The following RAB31 variants were observed in gnomAD, a reference collection of about 807,000 sequenced individuals.
RAB31 encodes RAB31, member RAS oncogene family.
A neutral mutation model predicts 25.6 loss-of-function variants in RAB31; 21 were observed. The observed-to-expected ratio is 0.82, with a 90% CI of 0.58 to 1.18. The LOEUF is 1.18. Among genes scored for constraint, RAB31 ranks in the 50% most tolerant of loss-of-function variants. The probability of loss-of-function intolerance (pLI) is 0.00; values close to 1 mark genes in which losing one functional copy is unlikely to be tolerated. For missense variants in RAB31, 196 were observed against 250.1 expected, an observed-to-expected ratio of 0.78 and a Z score of 1.46; for synonymous variants, 87 against 84.0, an observed-to-expected ratio of 1.04 and a Z score of -0.20.
intron 2 of RAB31, among the ~76,000 whole-genome samples, chr18:9,776,304 C>A (rs2068372102): frequency 6.6e-6 from 1 of 152,164 alleles, no homozygotes; most frequent in African/African-American, 2.4e-5. Flanking sequence ...TTATTTTTCA[C>A]CCTGAAGATA....
chr18:9,739,291 G>A (rs1193949630), intron 1 of RAB31, among the ~76,000 whole-genome samples: 8 of 152,238 alleles, frequency 5.3e-5, no homozygotes, highest in Middle Eastern at 3.4e-3. Context: ...TGACTAACAC[G>A]GTGAAACTCC....
At chr18:9,818,586 C>T (rs987749978) in intron 5 of RAB31, among the ~76,000 whole-genome samples, 2 of 152,142 alleles carry the variant, frequency 1.3e-5, no homozygotes, top group Non-Finnish European at 2.9e-5. Flanking sequence ...TATTCATTCA[C>T]ACATTAACAT....
At chr18:9,777,836 C>A (rs1254240290) in intron 2 of RAB31, among the ~76,000 whole-genome samples, 3 of 149,614 alleles carry the variant, frequency 2.0e-5, no homozygotes, top group Non-Finnish European at 3.0e-5. Flanking sequence ...CTCACTGCAA[C>A]CTCCGCCTCC....
chr18:9,801,372 C>T (rs2068513134), intron 3 of RAB31, among the ~76,000 whole-genome samples: 1 of 151,476 alleles, frequency 6.6e-6, no homozygotes, highest in South Asian at 2.1e-4. Flanking sequence ...TCCTCTGCCT[C>T]CTGCTTTCAA....
intron 5 of RAB31, among the ~76,000 whole-genome samples, chr18:9,835,114 G>T (rs1407340030): frequency 6.6e-6 from 1 of 152,158 alleles, no homozygotes; most frequent in Non-Finnish European, 1.5e-5. Flanking sequence ...GACACAGGTG[G>T]GTCAAGGGGT....
At chr18:9,762,622 A>G (rs1355082645) in intron 1 of RAB31, among the ~76,000 whole-genome samples, 1 of 152,180 alleles carries the variant, frequency 6.6e-6, no homozygotes, top group Non-Finnish European at 1.5e-5. Context: ...GCTTAGCTGC[A>G]CAGAGTTTGT....
chr18:9,777,202 G>A (rs1239446816), intron 2 of RAB31, among the ~76,000 whole-genome samples: 1 of 152,102 alleles, frequency 6.6e-6, no homozygotes, highest in Non-Finnish European at 1.5e-5. Context: ...TTAACCAGAT[G>A]TGGTGGCACG....
chr18:9,840,498 G>T (rs185645743), intron 5 of RAB31, among the ~76,000 whole-genome samples: 97 of 152,328 alleles, frequency 6.4e-4, no homozygotes, highest in African/African-American at 2.3e-3. Flanking sequence ...CTGAAGTGCA[G>T]CTGGAGTTCT....
intron 2 of RAB31, among the ~76,000 whole-genome samples, chr18:9,783,074 G>A (rs527509716): frequency 1.3e-5 from 2 of 152,242 alleles, no homozygotes; most frequent in South Asian, 4.1e-4. Context: ...GAGAGATCAG[G>A]AACACAGAGG....
intron 1 of RAB31, among the ~76,000 whole-genome samples, chr18:9,748,615 A>G (rs2068217721): frequency 6.6e-6 from 1 of 151,880 alleles, no homozygotes; most frequent in Admixed American, 6.5e-5. Context: ...TAAGGGGACC[A>G]GATGCGGTGG....
At chr18:9,785,827 G>T (rs1208422453) in intron 2 of RAB31, among the ~76,000 whole-genome samples, 1 of 152,190 alleles carries the variant, frequency 6.6e-6, no homozygotes, top group Non-Finnish European at 1.5e-5. Flanking sequence ...TTGGGAGGCC[G>T]AGGTGGGTGG....
intron 1 of RAB31, among the ~76,000 whole-genome samples, chr18:9,721,614 TAAA>T (rs34653831): frequency 1.9e-4 from 27 of 143,422 alleles, no homozygotes; most frequent in Admixed American, 2.8e-4. Flanking sequence ...AGACTCCATC[TAAA>T]AAAAAAAAAA....
At chr18:9,846,929 T>TTCA (rs761269700) in intron 6 of RAB31, among the ~76,000 whole-genome samples, 18 of 152,320 alleles carry the variant, frequency 1.2e-4, no homozygotes, top group Admixed American at 4.6e-4. Flanking sequence ...CACTGGGGTC[T>TTCA]TCACTCTCTT....
At chr18:9,834,175 G>GT (rs1461426716) in intron 5 of RAB31, among the ~76,000 whole-genome samples, 5 of 152,108 alleles carry the variant, frequency 3.3e-5, no homozygotes, top group Non-Finnish European at 5.9e-5. Flanking sequence ...GAGTACAACG[G>GT]TGTAATCTTG....
intron 2 of RAB31, among the ~76,000 whole-genome samples, chr18:9,791,672 C>G (rs1364103612): frequency 6.6e-6 from 1 of 152,158 alleles, no homozygotes; most frequent in African/African-American, 2.4e-5. Flanking sequence ...TGGCTCACTG[C>G]AACCTCTGCC....
intron 1 of RAB31, among the ~76,000 whole-genome samples, chr18:9,711,182 C>G (rs2068015394): frequency 6.6e-6 from 1 of 152,002 alleles, no homozygotes; most frequent in Non-Finnish European, 1.5e-5. Context: ...CTCTCTCTCT[C>G]TCTCTCCTCT....
intron 1 of RAB31, among the ~76,000 whole-genome samples, chr18:9,745,730 ACACTCTTTCATGATGAAAC>A (rs1352708892): frequency 2.6e-5 from 4 of 152,226 alleles, no homozygotes; most frequent in Non-Finnish European, 5.9e-5. Flanking sequence ...ACACATTCCA[ACACTCTTTCATGATGAAAC>A]CACTCAGGAA....
At chr18:9,852,592 C>CT (rs201534961) in intron 6 of RAB31, among the ~76,000 whole-genome samples, 12,650 of 144,916 alleles carry the variant, frequency 0.087, 584 homozygotes, top group Non-Finnish European at 0.11. Flanking sequence ...TGCTGAGTTC[C>CT]TTTTTTTTTT....
At chr18:9,750,630 G>A (rs2068230234) in intron 1 of RAB31, among the ~76,000 whole-genome samples, 1 of 152,158 alleles carries the variant, frequency 6.6e-6, no homozygotes, top group South Asian at 2.1e-4. Flanking sequence ...CAGATTCATG[G>A]GTAGGAAACC....
Sources: allele counts gnomAD v4.1 joint callset (sites outside exome capture counted in the v4.1 genomes callset), GRCh38; gene constraint gnomAD v4.1.1; transcripts MANE v1.5; gene names NCBI Gene and HGNC (gene_info 2026-07-23, HGNC 2026-07-21).